The following TMEM72 variants were observed in gnomAD, a reference collection of about 807,000 sequenced individuals.
TMEM72 encodes kidney-specific secretory protein of 37 kDa.
TMEM72 carries 9 observed loss-of-function variants against 16.3 expected under a neutral mutation model. The observed-to-expected ratio is 0.55, with a 90% CI of 0.33 to 0.96. The LOEUF (loss-of-function observed/expected upper bound fraction) is 0.96, where lower values mean the gene tolerates loss of function less well. Among genes scored for constraint, TMEM72 ranks in the 40% least tolerant of loss-of-function variants. The pLI is 0.03. For synonymous variants in TMEM72, 160 were observed against 146.5 expected (o/e 1.09, Z -0.66); for missense variants, 324 against 337.8 (o/e 0.96, Z 0.32).
intron 1 of TMEM72, chr10:44,920,049 T>A (rs1019688375): frequency 1.3e-5 from 2 of 152,270 alleles, no homozygotes; most frequent in Middle Eastern, 3.2e-3. Flanking sequence ...ACGCCCATTG[T>A]CATCAGCCTG....
chr10:44,916,862 T>C (rs1840020612), intron 1 of TMEM72, among the ~76,000 whole-genome samples: 1 of 152,152 alleles, frequency 6.6e-6, no homozygotes, highest in South Asian at 2.1e-4. Context: ...AATCTGAAAC[T>C]TCAATTAGGT....
At chr10:44,917,434 G>A (rs528059990) in intron 1 of TMEM72, among the ~76,000 whole-genome samples, 2 of 152,160 alleles carry the variant, frequency 1.3e-5, no homozygotes, top group Non-Finnish European at 2.9e-5. Context: ...GGGCTACACT[G>A]TAAAGAGCAT....
Position 44,926,645 on chromosome 10 carries a change from C to T in TMEM72, c.71-1276C>T, listed in dbSNP as rs76942986. ...CCTGTGAACCAAGGGACTGGTGGCA[C>T]GTTAATGTGGGCAGTCGCCCATGAA... On this transcript the variant is annotated intron_variant, in intron 1 of 4. Coordinates refer to ENST00000389583, the MANE Select transcript of TMEM72 (RefSeq NM_001123376.3). Among the ~76,000 whole-genome samples the T allele has an allele frequency of 5.9e-3, 893 of 152,262 alleles. 23 individuals carry two copies. The East Asian group carries it at 0.08, about 14-fold the overall frequency.
In TMEM72 at chr10:44,935,130, T is replaced by C; in HGVS notation, c.824T>C (p.Phe275Ser). 6.3e-7 allele frequency: 1 copy of C among 1,576,458 alleles called. No homozygotes were observed. The highest frequency in any genetic ancestry group is 8.6e-7 in the Non-Finnish European group (1 of 1,160,918). ...FLSSLTATGL[F>S] is the part of the protein sequence containing the mutation. ...TCATCTCTTACAGCCACCGGCCTGT[T>C]CTGAGCGCTTGCTCCAGCCTGGAGG... Residue 275 changes from phenylalanine to serine, a missense_variant, in exon 5 of 5, where the codon TTC (phenylalanine) becomes TCC (serine). Physicochemically the swap from Phe to Ser is radical, Grantham distance 155 (BLOSUM62 -2). Transcript: ENST00000389583.
chr10:44,915,793 C>G (rs1180035860), intron 1 of TMEM72, among the ~76,000 whole-genome samples: 1 of 152,174 alleles, frequency 6.6e-6, no homozygotes, highest in East Asian at 1.9e-4. Context: ...TATCCATTCT[C>G]TATCTCAAGA....
chr10:44,928,817 C>T (rs1209724472), intron 2 of TMEM72, among the ~76,000 whole-genome samples: 1 of 151,794 alleles, frequency 6.6e-6, no homozygotes, highest in Non-Finnish European at 1.5e-5. Context: ...CATCCATCCA[C>T]CCACCTATCC....
At chr10:44,912,435 G>T (rs1190079142) in intron 1 of TMEM72, among the ~76,000 whole-genome samples, 2 of 152,142 alleles carry the variant, frequency 1.3e-5, no homozygotes, top group African/African-American at 4.8e-5. Context: ...TGTCCCTTGG[G>T]GACAAAGAGA....
intron 1 of TMEM72, among the ~76,000 whole-genome samples, chr10:44,913,238 C>G (rs1403296939): frequency 6.6e-6 from 1 of 152,186 alleles, no homozygotes; most frequent in African/African-American, 2.4e-5. Context: ...CCACCCTGCT[C>G]CCTCTAGGCT....
At position 44,926,715 on chromosome 10, in the gene TMEM72, T is replaced by A. The variant is rs555139683; in HGVS notation, c.71-1206T>A. Reference sequence around the variant, plus strand: ...CCCTCCATCCATTGCTCAGAAAACATAACCGCCTCTTCTCACCTGCCTAGA... The same window carrying A: ...CCCTCCATCCATTGCTCAGAAAACAAAACCGCCTCTTCTCACCTGCCTAGA... On this transcript the variant is annotated intron_variant, in intron 1 of 4. Transcript: ENST00000389583. Among the ~76,000 whole-genome samples, 8 of 152,192 alleles carry A rather than the reference T, an allele frequency of 5.3e-5. No individual in the cohort carries two copies. In the South Asian group the frequency reaches 1.7e-3, roughly 32 times the overall value.
At chr10:44,919,274 T>C (rs1840057296) in intron 1 of TMEM72, among the ~76,000 whole-genome samples, 2 of 152,148 alleles carry the variant, frequency 1.3e-5, no homozygotes, top group Admixed American at 1.3e-4. Flanking sequence ...CCACGTCCAG[T>C]CAGCATTGTA....
chr10:44,926,839 G>A (rs1840203045), intron 1 of TMEM72, among the ~76,000 whole-genome samples: 1 of 151,710 alleles, frequency 6.6e-6, no homozygotes, highest in South Asian at 2.1e-4. Flanking sequence ...GGTAGCTTCA[G>A]TGCAAGGCTC....
Position 44,935,233 on chromosome 10 carries a change from G to T in TMEM72, c.*99G>T. On this transcript the variant is annotated 3_prime_UTR_variant, in exon 5 of 5. Coordinates refer to ENST00000389583, the MANE Select transcript of TMEM72 (RefSeq NM_001123376.3). ...TCTTCTCTGGTCAGCTTTTCAAGGG[G>T]TAACCAGACACCCCCACACTGGCTG... The T allele has an allele frequency of 8.2e-7, 1 of 1,224,746 alleles. No homozygotes were observed. The highest frequency in any genetic ancestry group is 1.1e-6 in the Non-Finnish European group (1 of 891,740). The allele number at this position is 1,224,746 out of a possible 1,614,324, so 75.9% of individuals were successfully genotyped here.
In TMEM72 at chr10:44,936,404, C is replaced by T. The variant is rs1317386765; in HGVS notation, c.*1270C>T. 7 of 152,196 alleles carry T rather than the reference C, an allele frequency of 4.6e-5. No individual in the cohort carries two copies. Among genetic ancestry groups the T allele is most frequent in the African/African-American group, 7.2e-5 (3 of 41,424 alleles). 9.4% of individuals were successfully genotyped at this position (152,196 alleles called of 1,614,324 possible). On this transcript the variant is annotated 3_prime_UTR_variant, in exon 5 of 5. Transcript: ENST00000389583. ...AGAAACTTGTGTTTGTGCTTGCACA[C>T]GTTTCAATGTTCCCTACAGGATATT...
At chr10:44,929,093 T>G (rs755374484) in intron 2 of TMEM72, among the ~76,000 whole-genome samples, 1 of 152,246 alleles carries the variant, frequency 6.6e-6, no homozygotes, top group Non-Finnish European at 1.5e-5. Context: ...GTAAGCAGGT[T>G]AGCCCACATC....
chr10:44,924,624 G>C (rs2132720001), intron 1 of TMEM72, among the ~76,000 whole-genome samples: 1 of 152,348 alleles, frequency 6.6e-6, no homozygotes, highest in African/African-American at 2.4e-5. Flanking sequence ...CTCGGTGCGA[G>C]TCCGTGTTGT....
Position 44,927,913 on chromosome 10 carries a change from C to A in TMEM72, c.71-8C>A. The A allele has an allele frequency of 6.2e-7, 1 of 1,613,854 alleles. No homozygotes were observed. The highest frequency in any genetic ancestry group is 1.7e-4 in the Middle Eastern group (1 of 6,008). ...AGGCCCACTCTTCCTTCTTCTCTTG[C>A]CCCTTAGTGTTGATCGGCGTGGGCA... On this transcript the variant is annotated splice_region_variant and splice_polypyrimidine_tract_variant and intron_variant, in intron 1 of 4. Coordinates refer to ENST00000389583, the MANE Select transcript of TMEM72 (RefSeq NM_001123376.3).
chr10:44,926,305 G>C (rs1201104096), intron 1 of TMEM72, among the ~76,000 whole-genome samples: 1 of 152,180 alleles, frequency 6.6e-6, no homozygotes, highest in Admixed American at 6.5e-5. Context: ...GCACCACCTA[G>C]AGCTGGCTGC....
At chr10:44,917,126 A>T (rs1299432580) in intron 1 of TMEM72, among the ~76,000 whole-genome samples, 1 of 152,142 alleles carries the variant, frequency 6.6e-6, no homozygotes, top group Non-Finnish European at 1.5e-5. Context: ...GAAGCAAACT[A>T]GTAAGTGCAC....
intron 1 of TMEM72, among the ~76,000 whole-genome samples, chr10:44,915,373 G>A (rs972306169): frequency 2.0e-5 from 3 of 151,534 alleles, no homozygotes; most frequent in African/African-American, 7.3e-5. Context: ...GTCATTGGGA[G>A]CATCATCATG....
Sources: allele counts gnomAD v4.1 joint callset (sites outside exome capture counted in the v4.1 genomes callset), GRCh38; gene constraint gnomAD v4.1.1; transcripts MANE v1.5; gene names NCBI Gene and HGNC (gene_info 2026-07-23, HGNC 2026-07-21).